AFF3: variants seen among roughly 807,000 people sequenced by gnomAD.
The protein encoded by AFF3 is AF4/FMR2 family member 3.
A neutral mutation model predicts 129.7 loss-of-function variants in AFF3; 32 were observed. The observed-to-expected ratio is 0.25, with a 90% CI of 0.19 to 0.33. The LOEUF is 0.33. AFF3 is among the 10% of genes least tolerant of loss of function. The probability of loss-of-function intolerance (pLI) is 1.00; values close to 1 mark genes in which losing one functional copy is unlikely to be tolerated. For synonymous variants in AFF3, 644 were observed against 635.4 expected, an observed-to-expected ratio of 1.01 and a Z score of -0.20; for missense variants, 1,373 against 1,592.0, an observed-to-expected ratio of 0.86 and a Z score of 2.34.
chr2:99,932,856 A>G (rs1674155201), intron 7 of AFF3, among the ~76,000 whole-genome samples: 1 of 152,220 alleles, frequency 6.6e-6, no homozygotes, highest in Non-Finnish European at 1.5e-5. Flanking sequence ...CATTAATCAT[A>G]GTTTCCAATT....
At chr2:99,586,778 C>T (rs1678162336) in intron 16 of AFF3, among the ~76,000 whole-genome samples, 1 of 152,154 alleles carries the variant, frequency 6.6e-6, no homozygotes, top group Non-Finnish European at 1.5e-5. Context: ...GGAGATTCAG[C>T]TTGAAGTGTG....
chr2:99,563,962 G>A (rs1160679777), intron 20 of AFF3, among the ~76,000 whole-genome samples: 1 of 152,128 alleles, frequency 6.6e-6, no homozygotes, highest in Non-Finnish European at 1.5e-5. Flanking sequence ...ACTTCCATCA[G>A]TGGGCACAGT....
At chr2:99,704,147 C>A (rs1575745387) in intron 11 of AFF3, among the ~76,000 whole-genome samples, 1 of 152,182 alleles carries the variant, frequency 6.6e-6, no homozygotes, top group South Asian at 2.1e-4. Flanking sequence ...ATCACCATTT[C>A]TTTCATATGA....
intron 7 of AFF3, among the ~76,000 whole-genome samples, chr2:99,850,571 A>AAGCATGATTGATTTCATGTTCAATCAG (rs1690072967): frequency 2.0e-5 from 3 of 152,230 alleles, no homozygotes; most frequent in Admixed American, 6.5e-5. Flanking sequence ...CAAAGAAAGT[A>AAGCATGATTGATTTCATGTTCAATCAG]AGCATGATTG....
At chr2:99,564,459 T>C (rs1675780875) in intron 20 of AFF3, among the ~76,000 whole-genome samples, 1 of 152,220 alleles carries the variant, frequency 6.6e-6, no homozygotes, top group African/African-American at 2.4e-5. Flanking sequence ...GTATAAAGGA[T>C]TCACCAATAT....
intron 7 of AFF3, among the ~76,000 whole-genome samples, chr2:99,880,949 G>A (rs1692666399): frequency 6.6e-6 from 1 of 152,130 alleles, no homozygotes; most frequent in South Asian, 2.1e-4. Flanking sequence ...GTTCAGATGG[G>A]GGCAGACAGC....
At chr2:99,808,637 A>G (rs1264373221) in intron 8 of AFF3, among the ~76,000 whole-genome samples, 1 of 152,202 alleles carries the variant, frequency 6.6e-6, no homozygotes, top group Non-Finnish European at 1.5e-5. Flanking sequence ...CTTATTTAAC[A>G]GAATTAAGAA....
chr2:99,669,690 C>T (rs1686981319), intron 12 of AFF3, among the ~76,000 whole-genome samples: 1 of 152,138 alleles, frequency 6.6e-6, no homozygotes, highest in African/African-American at 2.4e-5. Context: ...TACAAACAGG[C>T]TGGGCACAGT....
At chr2:100,033,690 A>T (rs1684692824) in intron 4 of AFF3, among the ~76,000 whole-genome samples, 1 of 152,208 alleles carries the variant, frequency 6.6e-6, no homozygotes, top group Non-Finnish European at 1.5e-5. Context: ...TTGTTAACAA[A>T]TCAGCATTTC....
At chr2:99,853,137 A>G (rs566143894) in intron 7 of AFF3, among the ~76,000 whole-genome samples, 1 of 152,340 alleles carries the variant, frequency 6.6e-6, no homozygotes, top group African/African-American at 2.4e-5. Flanking sequence ...GTTTGAAATC[A>G]TTAAAAAAAT....
intron 7 of AFF3, among the ~76,000 whole-genome samples, chr2:99,913,304 T>C (rs1576337271): frequency 6.6e-6 from 1 of 152,314 alleles, no homozygotes; most frequent in East Asian, 1.9e-4. Flanking sequence ...ATCAAATAAG[T>C]AAGTATACTG....
chr2:100,023,493 G>A (rs1683766097), intron 4 of AFF3, among the ~76,000 whole-genome samples: 1 of 152,118 alleles, frequency 6.6e-6, no homozygotes, highest in South Asian at 2.1e-4. Flanking sequence ...TCTTCAACAA[G>A]AAGCAAATGA....
chr2:99,799,984 CAT>C (rs1685815611), intron 8 of AFF3, among the ~76,000 whole-genome samples: 1 of 152,092 alleles, frequency 6.6e-6, no homozygotes, highest in Non-Finnish European at 1.5e-5. Context: ...CTGAACCTAA[CAT>C]AGAAAAAAAT....
intron 4 of AFF3, among the ~76,000 whole-genome samples, chr2:100,074,699 A>G (rs1688457706): frequency 6.6e-6 from 1 of 152,192 alleles, no homozygotes; most frequent in African/African-American, 2.4e-5. Context: ...GACGGTACAC[A>G]ATAGGCAAAG....
intron 8 of AFF3, among the ~76,000 whole-genome samples, chr2:99,822,674 T>G (rs1038384799): frequency 2.0e-5 from 3 of 152,190 alleles, no homozygotes; most frequent in African/African-American, 7.2e-5. Context: ...TCTAGATGGC[T>G]CCGCTGCCAT....
intron 13 of AFF3, among the ~76,000 whole-genome samples, chr2:99,609,086 C>T (rs960611396): frequency 3.3e-5 from 5 of 151,968 alleles, no homozygotes; most frequent in African/African-American, 1.2e-4. Context: ...CCTCAGCCCA[C>T]CTTTTTTTTT....
intron 4 of AFF3, among the ~76,000 whole-genome samples, chr2:100,092,239 C>T (rs1689919299): frequency 6.6e-6 from 1 of 152,006 alleles, no homozygotes; most frequent in South Asian, 2.1e-4. Context: ...TTCCCTATCT[C>T]ATCACACAAG....
At chr2:99,769,746 A>G (rs144853402) in intron 8 of AFF3, among the ~76,000 whole-genome samples, 1 of 152,358 alleles carries the variant, frequency 6.6e-6, no homozygotes. Flanking sequence ...GCAGACTCAC[A>G]GAAGTACTGC....
chr2:99,666,213 G>A (rs764742471), intron 12 of AFF3, among the ~76,000 whole-genome samples: 3 of 152,150 alleles, frequency 2.0e-5, no homozygotes, highest in Non-Finnish European at 2.9e-5. Context: ...GATACACGGT[G>A]AAATTCAGGT....
Sources: gnomAD v4.1 joint callset for allele counts (sites outside exome capture counted in the v4.1 genomes callset) on GRCh38, gnomAD v4.1.1 for gene constraint, MANE v1.5 for transcripts, NCBI Gene and HGNC (gene_info 2026-07-23, HGNC 2026-07-21) for gene names.